Variants in DOK6 observed in about 807,000 individuals in gnomAD.
DOK6 encodes downstream of tyrosine kinase 6.
DOK6 carries 22 observed loss-of-function variants against 44.0 expected under a neutral mutation model. The observed-to-expected ratio is 0.50, with a 90% CI of 0.36 to 0.71. DOK6 has a LOEUF of 0.71. DOK6 is among the 30% of genes least tolerant of loss of function. The pLI is 0.00. For missense variants in DOK6, 340 were observed against 416.4 expected (o/e 0.82, Z 1.60); for synonymous variants, 166 against 145.5 (o/e 1.14, Z -1.01).
chr18:69,675,323 G>A (rs920955511), intron 3 of DOK6, among the ~76,000 whole-genome samples: 6 of 152,142 alleles, frequency 3.9e-5, no homozygotes, highest in Non-Finnish European at 7.4e-5. Context: ...GGCATGCACC[G>A]ACTTACTGCT....
intron 1 of DOK6, among the ~76,000 whole-genome samples, chr18:69,411,061 C>A (rs542809173): frequency 6.6e-6 from 1 of 152,132 alleles, no homozygotes; most frequent in South Asian, 2.1e-4. Flanking sequence ...AAAATCGAAG[C>A]AATATATAGC....
intron 5 of DOK6, among the ~76,000 whole-genome samples, chr18:69,698,801 C>A (rs568391103): frequency 1.3e-5 from 2 of 152,212 alleles, no homozygotes; most frequent in Admixed American, 1.3e-4. Context: ...TTACCCCATT[C>A]AAAATAATTT....
chr18:69,545,953 T>C (rs1257177935), intron 1 of DOK6, among the ~76,000 whole-genome samples: 1 of 151,512 alleles, frequency 6.6e-6, no homozygotes, highest in African/African-American at 2.4e-5. Context: ...GTTTTATACC[T>C]GGATAGATGC....
chr18:69,565,509 GTGTGTGTGTGTGTATATATA>G (rs200688306), intron 2 of DOK6, among the ~76,000 whole-genome samples: 17,072 of 57,222 alleles, frequency 0.3, 1,163 homozygotes, highest in Non-Finnish European at 0.38. Context: ...GTGTGTGTGT[GTGTGTGTGTGTGTATATATA>G]TATACATAAT....
intron 3 of DOK6, chr18:69,663,015 G>A (rs1985567807): frequency 6.6e-6 from 1 of 152,146 alleles, no homozygotes; most frequent in Non-Finnish European, 1.5e-5. Context: ...AAAATGTTTT[G>A]AATCTCAAGT....
chr18:69,446,110 C>T (rs181642573), intron 1 of DOK6, among the ~76,000 whole-genome samples: 1 of 151,726 alleles, frequency 6.6e-6, no homozygotes. Context: ...ACAACGTGCA[C>T]GTTTGTTACA....
chr18:69,809,249 C>A (rs1201877005), intron 7 of DOK6, among the ~76,000 whole-genome samples: 1 of 151,662 alleles, frequency 6.6e-6, no homozygotes, highest in Non-Finnish European at 1.5e-5. Flanking sequence ...CAAAATTCAA[C>A]GTCCTTTCAT....
At chr18:69,479,656 T>TTTC (rs1370064112) in intron 1 of DOK6, among the ~76,000 whole-genome samples, 1 of 152,172 alleles carries the variant, frequency 6.6e-6, no homozygotes, top group African/African-American at 2.4e-5. Flanking sequence ...AAGTAATCAT[T>TTTC]AACTTTGGCA....
Position 69,453,921 on chromosome 18 carries a change from A to G in DOK6, c.66+52611A>G, listed in dbSNP as rs1407765214. Reference sequence around the variant, plus strand: ...CAAAAATCAATTCAAGATGGATTAAAGATTTAAACGTTAGACCTAAAACCA... The same window carrying G: ...CAAAAATCAATTCAAGATGGATTAAGGATTTAAACGTTAGACCTAAAACCA... On this transcript the variant is annotated intron_variant, in intron 1 of 7. Transcript: ENST00000382713. Among the ~76,000 whole-genome samples the G allele has an allele frequency of 2.9e-4, 8 of 27,682 alleles. 3 individuals carry two copies. Among genetic ancestry groups the G allele is most frequent in the Non-Finnish European group, 4.6e-4 (8 of 17,274 alleles). 18.2% of individuals were successfully genotyped at this position (27,682 alleles called of 152,430 possible).
chr18:69,663,770 A>C (rs1985588149), intron 3 of DOK6, among the ~76,000 whole-genome samples: 1 of 152,152 alleles, frequency 6.6e-6, no homozygotes, highest in Non-Finnish European at 1.5e-5. Flanking sequence ...CCTATCCTCA[A>C]ATCTCTAATT....
intron 7 of DOK6, among the ~76,000 whole-genome samples, chr18:69,821,257 A>C (rs554815673): frequency 6.6e-6 from 1 of 152,048 alleles, no homozygotes; most frequent in African/African-American, 2.4e-5. Context: ...CCTGCATCAC[A>C]CTTCCTATGT....
At chr18:69,486,176 G>C (rs1192265288) in intron 1 of DOK6, among the ~76,000 whole-genome samples, 1 of 151,736 alleles carries the variant, frequency 6.6e-6, no homozygotes, top group Non-Finnish European at 1.5e-5. Flanking sequence ...TTCTTTTGCA[G>C]AGTATAGACA....
chr18:69,596,409 A>G (rs1457988589), intron 2 of DOK6, among the ~76,000 whole-genome samples: 1 of 152,172 alleles, frequency 6.6e-6, no homozygotes, highest in Non-Finnish European at 1.5e-5. Flanking sequence ...GATAAATGCA[A>G]AGTGATATAC....
chr18:69,724,907 C>T (rs1032766414), intron 5 of DOK6: 5 of 152,184 alleles, frequency 3.3e-5, no homozygotes, highest in African/African-American at 9.7e-5. Context: ...CCTGACCCAC[C>T]AGGACTCTGA....
rs557364211 is a variant in DOK6 at position 69,515,664 on chromosome 18, T to C, written c.67-48823T>C. On this transcript the variant is annotated intron_variant, in intron 1 of 7. Coordinates refer to ENST00000382713, the MANE Select transcript of DOK6 (RefSeq NM_152721.6). ...ACAGGAAATGAATTAGAGAAAACTA[T>C]GAAGAAGTAACTTGAAAGTGAAAGA... Among the ~76,000 whole-genome samples, 8 of 152,346 alleles carry C rather than the reference T, an allele frequency of 5.3e-5. No individual in the cohort carries two copies. The East Asian group carries it at 5.8e-4, about 11-fold the overall frequency.
intron 1 of DOK6, among the ~76,000 whole-genome samples, chr18:69,508,390 C>T (rs1472249492): frequency 6.6e-6 from 1 of 152,130 alleles, no homozygotes; most frequent in East Asian, 1.9e-4. Context: ...GAGAAATATC[C>T]CCTTCTCTCT....
chr18:69,579,104 G>A (rs1406624239), intron 2 of DOK6, among the ~76,000 whole-genome samples: 2 of 152,152 alleles, frequency 1.3e-5, no homozygotes, highest in South Asian at 2.1e-4. Flanking sequence ...TTTTGAGACA[G>A]TGAAATTACT....
intron 1 of DOK6, among the ~76,000 whole-genome samples, chr18:69,535,926 A>G (rs944836950): frequency 6.6e-6 from 1 of 152,160 alleles, no homozygotes; most frequent in African/African-American, 2.4e-5. Flanking sequence ...CTTTGTAATT[A>G]TAACAGCTAA....
At chr18:69,401,427 C>T in intron 1 of DOK6, 117 bp downstream of exon 1, 2 of 1,187,586 alleles carry the variant, frequency 1.7e-6, no homozygotes, top group Non-Finnish European at 2.2e-6. Flanking sequence ...GGACCCGGCC[C>T]TTAGGCGGAT....
Sources: gnomAD v4.1 joint callset for allele counts (sites outside exome capture counted in the v4.1 genomes callset) on GRCh38, gnomAD v4.1.1 for gene constraint, MANE v1.5 for transcripts, NCBI Gene and HGNC (gene_info 2026-07-23, HGNC 2026-07-21) for gene names.